Variants in ZNF804A observed in about 807,000 individuals in gnomAD.
ZNF804A encodes the protein zinc finger protein 804A.
ZNF804A carries 2 observed loss-of-function variants against 16.5 expected under a neutral mutation model. The observed-to-expected ratio is 0.12, with a 90% confidence interval of 0.05 to 0.38. ZNF804A has a LOEUF of 0.38. Among genes scored for constraint, ZNF804A ranks in the 10% least tolerant of loss-of-function variants. The probability of loss-of-function intolerance (pLI) is 0.99; values close to 1 mark genes in which losing one functional copy is unlikely to be tolerated. For missense variants in ZNF804A, 1,473 were observed against 1,390.7 expected (o/e 1.06, Z -0.94); for synonymous variants, 534 against 489.6 (o/e 1.09, Z -1.20).
At chr2:184,668,204 A>C (rs1692281250) in intron 1 of ZNF804A, among the ~76,000 whole-genome samples, 1 of 151,826 alleles carries the variant, frequency 6.6e-6, no homozygotes, top group Admixed American at 6.6e-5. Flanking sequence ...ATACAATGTG[A>C]TGTTTTGATC....
chr2:184,607,708 G>A (rs528090594), intron 1 of ZNF804A, among the ~76,000 whole-genome samples: 11 of 152,128 alleles, frequency 7.2e-5, no homozygotes, highest in South Asian at 2.1e-4. Context: ...TTTATACTTT[G>A]TTAGCCTGAA....
At chr2:184,686,336 G>T (rs1371283222) in intron 1 of ZNF804A, among the ~76,000 whole-genome samples, 1 of 152,198 alleles carries the variant, frequency 6.6e-6, no homozygotes, top group African/African-American at 2.4e-5. Context: ...CTCCTACACT[G>T]CAGCCAACAT....
chr2:184,939,455 ATC>A lies in ZNF804A; in HGVS notation c.*433_*434del, dbSNP rs1574280519. ...TGAAACTGTAAATTCAGTGAAAAAT[ATC>A]TCTTGCAATAAATTTTTGTTAACTA... On this transcript the variant is annotated 3_prime_UTR_variant, in exon 4 of 4. Coordinates refer to ENST00000302277, the MANE Select transcript of ZNF804A (RefSeq NM_194250.2). 6.5e-6 allele frequency: 1 copy of A among 153,336 alleles called. No individual in the cohort carries two copies. The highest frequency in any genetic ancestry group is 2.4e-5 in the African/African-American group (1 of 41,464). The allele number at this position is 153,336 out of a possible 1,614,324, so 9.5% of individuals were successfully genotyped here.
intron 1 of ZNF804A, among the ~76,000 whole-genome samples, chr2:184,708,007 G>T (rs1469572596): frequency 6.6e-6 from 1 of 152,006 alleles, no homozygotes; most frequent in Non-Finnish European, 1.5e-5. Flanking sequence ...GTATCTCATT[G>T]TGGCTTTGAC....
intron 1 of ZNF804A, among the ~76,000 whole-genome samples, chr2:184,683,606 G>A (rs1692577146): frequency 6.6e-6 from 1 of 152,104 alleles, no homozygotes; most frequent in African/African-American, 2.4e-5. Flanking sequence ...AGCAAGAACA[G>A]TTCCTAAAGC....
intron 2 of ZNF804A, among the ~76,000 whole-genome samples, chr2:184,895,391 T>C (rs1007433454): frequency 2.6e-5 from 4 of 152,222 alleles, no homozygotes. Flanking sequence ...AAGATGGAAT[T>C]ATTGTTATGA....
At chr2:184,741,805 T>C (rs542724215) in intron 1 of ZNF804A, among the ~76,000 whole-genome samples, 9 of 152,256 alleles carry the variant, frequency 5.9e-5, no homozygotes, top group Admixed American at 5.9e-4. Context: ...TCATAGGCTT[T>C]CCATTGTGAT....
intron 2 of ZNF804A, among the ~76,000 whole-genome samples, chr2:184,868,915 T>A (rs550681678): frequency 6.4e-4 from 97 of 152,136 alleles, no homozygotes; most frequent in Non-Finnish European, 1.0e-3. Context: ...ATCAAAGCAA[T>A]CTTTTTGGTT....
At chr2:184,775,491 C>T (rs1297162913) in intron 1 of ZNF804A, among the ~76,000 whole-genome samples, 1 of 151,666 alleles carries the variant, frequency 6.6e-6, no homozygotes, top group East Asian at 1.9e-4. Flanking sequence ...TGCCATTTCT[C>T]GGTTCTACAC....
At chr2:184,878,709 A>T (rs1380652372) in intron 2 of ZNF804A, among the ~76,000 whole-genome samples, 1 of 152,100 alleles carries the variant, frequency 6.6e-6, no homozygotes, top group Non-Finnish European at 1.5e-5. Flanking sequence ...TAATTTATTT[A>T]AAAAATAAGA....
chr2:184,841,695 C>G (rs1268414626), intron 1 of ZNF804A, among the ~76,000 whole-genome samples: 2 of 152,110 alleles, frequency 1.3e-5, no homozygotes, highest in Non-Finnish European at 2.9e-5. Context: ...CATATGCTTA[C>G]ATTTTAATTT....
intron 1 of ZNF804A, among the ~76,000 whole-genome samples, chr2:184,781,368 G>T (rs540545763): frequency 6.6e-6 from 1 of 151,584 alleles, no homozygotes; most frequent in Non-Finnish European, 1.5e-5. Flanking sequence ...CCCCAGGAGA[G>T]AATAACTGTT....
At chr2:184,712,262 A>G (rs1693142350) in intron 1 of ZNF804A, among the ~76,000 whole-genome samples, 1 of 151,630 alleles carries the variant, frequency 6.6e-6, no homozygotes, top group South Asian at 2.1e-4. Flanking sequence ...GCCTCACAAA[A>G]CAGTCTACTT....
chr2:184,614,537 C>A (rs1691289588), intron 1 of ZNF804A, among the ~76,000 whole-genome samples: 1 of 152,206 alleles, frequency 6.6e-6, no homozygotes, highest in African/African-American at 2.4e-5. Context: ...ATCTATCCAT[C>A]TGACAAAGAG....
At chr2:184,759,157 G>A (rs552106862) in intron 1 of ZNF804A, among the ~76,000 whole-genome samples, 1 of 150,628 alleles carries the variant, frequency 6.6e-6, no homozygotes, top group Non-Finnish European at 1.5e-5. Context: ...ATATATGGAG[G>A]TATTGTTATT....
chr2:184,786,511 G>A (rs903188146), intron 1 of ZNF804A, among the ~76,000 whole-genome samples: 3 of 151,766 alleles, frequency 2.0e-5, no homozygotes, highest in South Asian at 2.1e-4. Context: ...TTCCTCCTTC[G>A]TATAAATTTT....
chr2:184,779,508 A>ATT (rs1239429554), intron 1 of ZNF804A, among the ~76,000 whole-genome samples: 3 of 151,844 alleles, frequency 2.0e-5, no homozygotes, highest in South Asian at 4.2e-4. Flanking sequence ...TGTAGATAGA[A>ATT]TTAAGTTTGC....
chr2:184,762,231 G>A (rs1314789225), intron 1 of ZNF804A, among the ~76,000 whole-genome samples: 5 of 135,980 alleles, frequency 3.7e-5, no homozygotes, highest in African/African-American at 1.4e-4. Context: ...TTTGCCTATG[G>A]TTATATTCAT....
At chr2:184,905,166 A>T (rs1373611467) in intron 2 of ZNF804A, among the ~76,000 whole-genome samples, 2 of 152,088 alleles carry the variant, frequency 1.3e-5, no homozygotes, top group Non-Finnish European at 2.9e-5. Flanking sequence ...AACTGAACAC[A>T]TAAAAAAAGG....
Sources: gnomAD v4.1 joint callset for allele counts (sites outside exome capture counted in the v4.1 genomes callset) on GRCh38, gnomAD v4.1.1 for gene constraint, MANE v1.5 for transcripts, NCBI Gene and HGNC (gene_info 2026-07-23, HGNC 2026-07-21) for gene names.